The following ROBO2 variants were observed in gnomAD, a reference collection of about 807,000 sequenced individuals.
ROBO2 encodes the protein roundabout homolog 2.
Under a neutral mutation model 160.8 loss-of-function variants are expected in ROBO2, and 53 were observed. That is an observed-to-expected ratio of 0.33 (90% CI 0.26 to 0.41). The LOEUF is 0.41. Ranked by LOEUF, ROBO2 falls within the 10% of genes least tolerant of loss-of-function variation. The probability of loss-of-function intolerance (pLI) is 1.00; values close to 1 mark genes in which losing one functional copy is unlikely to be tolerated. For missense variants in ROBO2, 1,577 were observed against 1,722.4 expected (o/e 0.92, Z 1.49); for synonymous variants, 664 against 611.7 (o/e 1.09, Z -1.26).
At chr3:76,875,773 C>T (rs1161300509) in intron 2 of ROBO2, among the ~76,000 whole-genome samples, 1 of 152,098 alleles carries the variant, frequency 6.6e-6, no homozygotes, top group Non-Finnish European at 1.5e-5. Context: ...TCCGCCTCCA[C>T]CTCTCAAGTA....
intron 2 of ROBO2, among the ~76,000 whole-genome samples, chr3:76,751,536 A>G (rs2060649375): frequency 6.6e-6 from 1 of 152,204 alleles, no homozygotes; most frequent in African/African-American, 2.4e-5. Flanking sequence ...AATGTTTGCA[A>G]TCTACTCATC....
intron 2 of ROBO2, among the ~76,000 whole-genome samples, chr3:76,410,119 T>C (rs2075411684): frequency 6.6e-6 from 1 of 152,182 alleles, no homozygotes; most frequent in African/African-American, 2.4e-5. Context: ...GCTTTGTTTC[T>C]ACTAGAAATT....
chr3:76,190,118 T>G (rs1262347085), intron 2 of ROBO2, among the ~76,000 whole-genome samples: 2 of 152,148 alleles, frequency 1.3e-5, no homozygotes, highest in African/African-American at 4.8e-5. Context: ...TCAACTATGC[T>G]GATGATCGGC....
rs368340744 is a variant in ROBO2, at chr3:76,579,603, T to A, written c.110-518411T>A. ...AGAGTGAGATTTTATCTTAATTATT[T>A]CAAAAATCTTAACTGAAAGTCTTGG... On this transcript the variant is annotated intron_variant, in intron 2 of 26. Transcript: ENST00000487694. Among the ~76,000 whole-genome samples the A allele has an allele frequency of 2.8e-4, 42 of 152,128 alleles. 2 individuals carry two copies. Among genetic ancestry groups the A allele is most frequent in the South Asian group, 2.7e-3 (13 of 4,824 alleles).
intron 2 of ROBO2, among the ~76,000 whole-genome samples, chr3:77,289,985 A>C (rs2060984882): frequency 6.6e-6 from 1 of 152,114 alleles, no homozygotes. Context: ...ATTGATGGTT[A>C]AACGGGTAAA....
In ROBO2 at chr3:76,305,387, C is replaced by CAA. The variant is rs1166858558; in HGVS notation, c.109+367821_109+367822dup. Among the ~76,000 whole-genome samples the CAA allele has an allele frequency of 2.9e-4, 6 of 20,686 alleles. 2 individuals are homozygous for CAA. Among genetic ancestry groups the CAA allele is most frequent in the East Asian group, 5.4e-3 (2 of 368 alleles). The allele number at this position is 20,686 out of a possible 152,430, so 13.6% of individuals were successfully genotyped here. A position where few individuals can be genotyped will look rare whatever the true frequency, so the allele number is the denominator to read the frequency against. ...GCCTGGGTGACAGAGCAAGATCTGT[C>CAA]AAAAAAAAAAAAAAAAAAAAAAAAA... On this transcript the variant is annotated intron_variant, in intron 2 of 26. Transcript: ENST00000487694.
chr3:77,552,900 C>A (rs2092969900), intron 8 of ROBO2, among the ~76,000 whole-genome samples: 1 of 151,902 alleles, frequency 6.6e-6, no homozygotes, highest in South Asian at 2.1e-4. Flanking sequence ...GCCATTATTT[C>A]ATTTTGAACA....
intron 16 of ROBO2, among the ~76,000 whole-genome samples, chr3:77,582,707 T>C (rs2093951205): frequency 6.6e-6 from 1 of 152,178 alleles, no homozygotes; most frequent in South Asian, 2.1e-4. Flanking sequence ...GTTATTATTA[T>C]ACCTTTTACT....
At chr3:76,616,184 A>AT (rs1416945855) in intron 2 of ROBO2, among the ~76,000 whole-genome samples, 2 of 152,236 alleles carry the variant, frequency 1.3e-5, no homozygotes, top group African/African-American at 2.4e-5. Context: ...ACTCTAATGT[A>AT]TTTTTTAAAG....
rs895350970 is a variant in ROBO2, at chr3:76,988,939, AAAT to A, written c.110-109071_110-109069del. On this transcript the variant is annotated intron_variant, in intron 2 of 26. Transcript: ENST00000487694. Reference sequence around the variant, plus strand: ...AATTGTTCCAATGTGCTATTTAGAAAAATAATTTATATTAAGGTATATAATAAA... The same window carrying A: ...AATTGTTCCAATGTGCTATTTAGAAAAATTTATATTAAGGTATATAATAAA... 8.9e-4 allele frequency among the ~76,000 whole-genome samples: 136 copies of A among 152,296 alleles called. 2 individuals are homozygous for A. Among genetic ancestry groups the A allele is most frequent in the African/African-American group, 2.4e-3 (101 of 41,590 alleles).
intron 2 of ROBO2, among the ~76,000 whole-genome samples, chr3:76,985,427 A>T (rs1334248174): frequency 1.3e-5 from 2 of 151,482 alleles, no homozygotes; most frequent in African/African-American, 4.8e-5. Flanking sequence ...CTAAAAATAC[A>T]AAAAATTAGC....
chr3:76,197,189 G>C, intron 2 of ROBO2, among the ~76,000 whole-genome samples: 1 of 64,898 alleles, frequency 1.5e-5, no homozygotes, highest in South Asian at 5.0e-4. Context: ...TGAGCTAATC[G>C]GTCTCTCTAT....
intron 2 of ROBO2, chr3:76,434,654 C>T: frequency 8.0e-7 from 1 of 1,256,756 alleles, no homozygotes; most frequent in Non-Finnish European, 1.2e-6. Flanking sequence ...TGAGTGGACT[C>T]TGCCATCTGG....
intron 2 of ROBO2, among the ~76,000 whole-genome samples, chr3:76,283,152 A>ATAT (rs1198566368): frequency 1.5e-5 from 2 of 130,968 alleles, no homozygotes; most frequent in African/African-American, 5.5e-5. Flanking sequence ...ATATATATAT[A>ATAT]AAACTACATA....
intron 2 of ROBO2, among the ~76,000 whole-genome samples, chr3:76,092,534 C>T (rs945695731): frequency 6.6e-6 from 1 of 152,126 alleles, no homozygotes; most frequent in African/African-American, 2.4e-5. Context: ...TGATTTGTTT[C>T]CTCTCAATAC....
chr3:76,680,358 T>TAAA lies in ROBO2; in HGVS notation c.110-417642_110-417640dup, dbSNP rs3066796. On this transcript the variant is annotated intron_variant, in intron 2 of 26. Transcript: ENST00000487694. ...TATATACTTCCTGACATGGATATAT[T>TAAA]AAAAAAAAAAAAAAAACGGCGAACA... is the stretch of plus-strand genomic sequence containing the variant. Among the ~76,000 whole-genome samples the TAAA allele has an allele frequency of 5.9e-3, 845 of 143,630 alleles. 9 individuals carry two copies. Among genetic ancestry groups the TAAA allele is most frequent in the African/African-American group, 0.02 (809 of 39,678 alleles). 94.2% of individuals were successfully genotyped at this position (143,630 alleles called of 152,430 possible).
At chr3:77,446,235 T>C (rs2080493136) in intron 2 of ROBO2, among the ~76,000 whole-genome samples, 2 of 152,006 alleles carry the variant, frequency 1.3e-5, no homozygotes, top group African/African-American at 4.8e-5. Flanking sequence ...AAGACAAAAT[T>C]GTAGACATCA....
At chr3:76,471,035 A>T (rs1391746672) in intron 2 of ROBO2, among the ~76,000 whole-genome samples, 1 of 149,232 alleles carries the variant, frequency 6.7e-6, no homozygotes, top group African/African-American at 2.6e-5. Context: ...TTCTAACTTT[A>T]TTCATTCTTT....
chr3:75,995,687 C>T (rs549898097), intron 2 of ROBO2, among the ~76,000 whole-genome samples: 1 of 152,158 alleles, frequency 6.6e-6, no homozygotes, highest in South Asian at 2.1e-4. Context: ...CGATAGCTTG[C>T]ACTGTGCACC....
Sources: allele counts gnomAD v4.1 joint callset (sites outside exome capture counted in the v4.1 genomes callset), GRCh38; gene constraint gnomAD v4.1.1; transcripts MANE v1.5; gene names NCBI Gene and HGNC (gene_info 2026-07-23, HGNC 2026-07-21).